Variants in KIAA1217 observed in about 807,000 individuals in gnomAD.
KIAA1217 encodes the protein sickle tail protein homolog.
In KIAA1217, 88 loss-of-function variants were observed where a neutral mutation model predicts 163.9. The ratio of observed to expected loss-of-function variants is 0.54; its 90% CI spans 0.45 to 0.64. KIAA1217 has a LOEUF of 0.64. Ranked by LOEUF, KIAA1217 falls within the 30% of genes least tolerant of loss-of-function variation. KIAA1217 has a pLI of 0.00. For synonymous variants in KIAA1217, 903 were observed against 923.1 expected (o/e 0.98, Z 0.39); for missense variants, 2,372 against 2,475.0 (o/e 0.96, Z 0.88).
rs189779226 is a variant in KIAA1217 at position 24,531,682 on chromosome 10, T to G, written c.3083-148T>G. On this transcript the variant is annotated intron_variant, in intron 14 of 20. Coordinates refer to ENST00000376454, the MANE Select transcript of KIAA1217 (RefSeq NM_019590.5). ...CTTTTTGGGATTTAAATCCAGTCAC[T>G]CTTTAGGGTCTATACACTTAATCCT... 6.3e-4 allele frequency: 411 copies of G among 653,242 alleles called. 2 individuals are homozygous for G. In the African/African-American group the frequency reaches 6.7e-3, roughly 11 times the overall value. 40.5% of individuals were successfully genotyped at this position (653,242 alleles called of 1,614,324 possible). A position where few individuals can be genotyped will look rare whatever the true frequency, so the allele number is the denominator to read the frequency against.
upstream of KIAA1217, chr10:24,209,098 C>T (rs1281496037): frequency 2.5e-5 from 26 of 1,035,534 alleles, no homozygotes; most frequent in Admixed American, 9.0e-5. Flanking sequence ...CCCTCCTCCC[C>T]AGCCCCGGGC....
At chr10:23,795,224 T>G (rs1010471507) in intron 1 of KIAA1217, among the ~76,000 whole-genome samples, 2 of 152,224 alleles carry the variant, frequency 1.3e-5, no homozygotes, top group African/African-American at 4.8e-5. Context: ...TTATCTCCAC[T>G]TCATTTTCTC....
At chr10:23,778,803 T>G (rs1032100429) in intron 1 of KIAA1217, among the ~76,000 whole-genome samples, 3 of 152,180 alleles carry the variant, frequency 2.0e-5, no homozygotes, top group Admixed American at 6.5e-5. Context: ...ATAAAGGGAT[T>G]GGTTTCCTGG....
At chr10:23,901,652 T>C (rs748299709) in intron 1 of KIAA1217, among the ~76,000 whole-genome samples, 1 of 152,126 alleles carries the variant, frequency 6.6e-6, no homozygotes, top group Non-Finnish European at 1.5e-5. Context: ...CTCATTCTTG[T>C]AGTTCCAGCA....
At chr10:24,061,618 T>G (rs2060725140) in intron 2 of KIAA1217, among the ~76,000 whole-genome samples, 1 of 152,178 alleles carries the variant, frequency 6.6e-6, no homozygotes, top group Non-Finnish European at 1.5e-5. Flanking sequence ...AAAGTCTTTA[T>G]CTCTTCTACA....
At chr10:23,972,702 C>G (rs948548646) in intron 1 of KIAA1217, among the ~76,000 whole-genome samples, 1 of 152,050 alleles carries the variant, frequency 6.6e-6, no homozygotes, top group African/African-American at 2.4e-5. Context: ...GACATGGAAC[C>G]AACCCAAATG....
chr10:23,958,206 CCAAAGCAGG>C (rs572215622), intron 1 of KIAA1217, among the ~76,000 whole-genome samples: 1,592 of 152,200 alleles, frequency 0.01, 9 homozygotes, highest in Non-Finnish European at 0.017. Flanking sequence ...AAGTGCTTGG[CCAAAGCAGG>C]CAAGCATATG....
chr10:23,769,186 C>G (rs370003918), intron 1 of KIAA1217, among the ~76,000 whole-genome samples: 1 of 152,080 alleles, frequency 6.6e-6, no homozygotes, highest in Non-Finnish European at 1.5e-5. Flanking sequence ...CAGTGAGTCA[C>G]GAGTGCTGGT....
chr10:24,264,186 A>G (rs1177349187), intron 2 of KIAA1217, among the ~76,000 whole-genome samples: 2 of 152,158 alleles, frequency 1.3e-5, no homozygotes, highest in Admixed American at 6.6e-5. Context: ...CCATACAACG[A>G]GTACAGCGGG....
chr10:23,905,848 G>A (rs1194557717), intron 1 of KIAA1217, among the ~76,000 whole-genome samples: 4 of 152,154 alleles, frequency 2.6e-5, no homozygotes, highest in African/African-American at 9.7e-5. Context: ...GTGCACACAA[G>A]CACTGTCTTA....
Position 23,739,040 on chromosome 10 carries a change from T to C in KIAA1217, c.-321+43806T>C, listed in dbSNP as rs370745971. On this transcript the variant is annotated intron_variant, in intron 1 of 18. Coordinates refer to the KIAA1217 transcript ENST00000376462. ...ATGATTGGATAAAGAAAATATGATA[T>C]ATATGCACAATGAAATACTATTCAC... is the stretch of plus-strand genomic sequence containing the variant. Among the ~76,000 whole-genome samples the C allele has an allele frequency of 7.2e-5, 11 of 152,310 alleles. No individual in the cohort carries two copies. The East Asian group carries it at 2.1e-3, about 29-fold the overall frequency.
chr10:24,330,614 T>G (rs1021063339), intron 2 of KIAA1217, among the ~76,000 whole-genome samples: 2 of 151,996 alleles, frequency 1.3e-5, no homozygotes, highest in African/African-American at 4.8e-5. Context: ...AGAGAAACAG[T>G]AGGGGCATTT....
intron 1 of KIAA1217, among the ~76,000 whole-genome samples, chr10:23,773,959 C>G (rs890428957): frequency 6.6e-6 from 1 of 152,124 alleles, no homozygotes; most frequent in African/African-American, 2.4e-5. Flanking sequence ...ATTTCCTTCT[C>G]CTGCCTAATT....
intron 2 of KIAA1217, among the ~76,000 whole-genome samples, 164 bp from the exon 3 acceptor site, chr10:24,380,705 T>C (rs2053185507): frequency 6.6e-6 from 1 of 152,236 alleles, no homozygotes; most frequent in Admixed American, 6.5e-5. Flanking sequence ...TCACAACTGA[T>C]ACTTTGACCC....
chr10:23,784,852 A>G, intron 1 of KIAA1217, among the ~76,000 whole-genome samples: 1 of 152,062 alleles, frequency 6.6e-6, no homozygotes, highest in East Asian at 1.9e-4. Context: ...ACCACTTTTA[A>G]AACCCAGTTT....
At chr10:23,879,614 C>A (rs562844149) in intron 1 of KIAA1217, among the ~76,000 whole-genome samples, 1 of 151,864 alleles carries the variant, frequency 6.6e-6, no homozygotes, top group Non-Finnish European at 1.5e-5. Flanking sequence ...GATGTCTTGG[C>A]TGGAGTGGAT....
intron 2 of KIAA1217, among the ~76,000 whole-genome samples, chr10:24,354,313 G>A (rs894440712): frequency 2.6e-5 from 4 of 152,140 alleles, no homozygotes; most frequent in Non-Finnish European, 5.9e-5. Context: ...GCCACCTAGT[G>A]AGCACTCAAA....
rs77305006 is a variant in KIAA1217, at chr10:23,990,568, C to A, written c.-320-16657C>A. ...TAATGATTAGTCATATCTTTGGGTG[C>A]TGGGAGAGAAAAAGATTTTCTAAAA... is the stretch of plus-strand genomic sequence containing the variant. On this transcript the variant is annotated intron_variant, in intron 1 of 18. Transcript: ENST00000376462. Among the ~76,000 whole-genome samples the A allele has an allele frequency of 5.8e-3, 889 of 152,150 alleles. 4 individuals are homozygous for A. Among genetic ancestry groups the A allele is most frequent in the South Asian group, 0.021 (99 of 4,810 alleles).
At chr10:24,413,652 C>T (rs2058000088) in intron 3 of KIAA1217, among the ~76,000 whole-genome samples, 1 of 152,208 alleles carries the variant, frequency 6.6e-6, no homozygotes, top group Non-Finnish European at 1.5e-5. Context: ...TCCCTCCAAA[C>T]ACAGTAGCTC....
Sources: allele counts gnomAD v4.1 joint callset (sites outside exome capture counted in the v4.1 genomes callset), GRCh38; gene constraint gnomAD v4.1.1; transcripts MANE v1.5; gene names NCBI Gene and HGNC (gene_info 2026-07-23, HGNC 2026-07-21).